The following RBM26 variants were observed in gnomAD, a reference collection of about 807,000 sequenced individuals.
RBM26 encodes the protein RNA-binding protein 26.
A neutral mutation model predicts 123.6 loss-of-function variants in RBM26; 30 were observed. The ratio of observed to expected loss-of-function variants is 0.24; its 90% CI spans 0.18 to 0.33. RBM26 has a LOEUF of 0.33. Among genes scored for constraint, RBM26 ranks in the 10% least tolerant of loss-of-function variants. The pLI is 1.00. For missense variants in RBM26, 947 were observed against 1,203.6 expected (o/e 0.79, Z 3.15); for synonymous variants, 400 against 404.4 (o/e 0.99, Z 0.13).
At chr13:79,391,566 GGC>G (rs896058743) in intron 1 of RBM26, among the ~76,000 whole-genome samples, 2 of 152,018 alleles carry the variant, frequency 1.3e-5, no homozygotes, top group African/African-American at 4.8e-5. Flanking sequence ...TGGGATTACA[GGC>G]GCCCACCACA....
At chr13:79,340,818 A>C in intron 18 of RBM26, among the ~76,000 whole-genome samples, 1 of 151,996 alleles carries the variant, frequency 6.6e-6, no homozygotes, top group East Asian at 1.9e-4. Flanking sequence ...AAAAGACTTT[A>C]TTATAAGTTT....
At chr13:79,365,490 A>G in intron 9 of RBM26, 88 bp downstream of exon 9, 1 of 1,054,832 alleles carries the variant, frequency 9.5e-7, no homozygotes, top group Non-Finnish European at 1.4e-6. Flanking sequence ...ATCCAACCCC[A>G]ATAAAGGCAA....
chr13:79,375,095 T>TAATATA (rs2076547684), intron 3 of RBM26, among the ~76,000 whole-genome samples: 1 of 98,262 alleles, frequency 1.0e-5, no homozygotes, highest in East Asian at 2.3e-4. Flanking sequence ...TAAATATATA[T>TAATATA]TTATATATAT....
chr13:79,344,430 A>T (rs927123156), intron 15 of RBM26, 108 bp from the exon 16 acceptor site: 1 of 916,924 alleles, frequency 1.1e-6, no homozygotes, highest in African/African-American at 1.7e-5. Flanking sequence ...CAAAAATTAT[A>T]TGCAAGGCTT....
chr13:79,335,680 T>C (rs1031203777), intron 19 of RBM26, among the ~76,000 whole-genome samples: 11 of 152,126 alleles, frequency 7.2e-5, no homozygotes, highest in African/African-American at 2.7e-4. Flanking sequence ...AATGTCCAAA[T>C]GCATGTCAGA....
At chr13:79,399,208 A>G (rs2078854622) in intron 1 of RBM26, among the ~76,000 whole-genome samples, 1 of 152,222 alleles carries the variant, frequency 6.6e-6, no homozygotes. Context: ...CTTCAACACA[A>G]AGAAAGGATA....
In RBM26 at chr13:79,368,949, C is replaced by G; in HGVS notation, c.676G>C (p.Asp226His). ...GGAGTATAATTATTTTCTAATGGAT[C>G]TGTTCTATCCAGGTCATATTTAGGT... The part of the protein sequence containing the change: ...VKPKYDLDRT[D>H]PLENNYTPVS... The change falls in exon 6 of 22, where the codon GAT (aspartate) becomes CAT (histidine). Residue 226 changes from aspartate to histidine, a missense_variant. Coordinates refer to ENST00000438737, the MANE Select transcript of RBM26 (RefSeq NM_001366735.2). The G allele has an allele frequency of 1.2e-6, 2 of 1,610,568 alleles. No homozygotes were observed. Among genetic ancestry groups the G allele is most frequent in the Non-Finnish European group, 1.7e-6 (2 of 1,177,132 alleles).
At position 79,366,129 on chromosome 13, in the gene RBM26, C is replaced by T; in HGVS notation, c.1202G>A (p.Ser401Asn). The T allele has an allele frequency of 6.2e-7, 1 of 1,614,010 alleles. No individual in the cohort carries two copies. Among genetic ancestry groups the T allele is most frequent in the Non-Finnish European group, 8.5e-7 (1 of 1,179,898 alleles). ...GMDAPPNSATSSVPTVVTTGI... is the reference protein window; with the variant it reads ...GMDAPPNSATNSVPTVVTTGI... ...AGTTGTTACTACAGTAGGAACAGAA[C>T]TGGTTGCAGAGTTTGGAGGAGCATC... The change falls in exon 8 of 22, where the codon AGT becomes AAT. Residue 401 changes from serine (S) to asparagine (N), a missense_variant. Physicochemically the swap from Ser to Asn is conservative, Grantham distance 46 (BLOSUM62 1). Around this residue, in one of 5 missense-constraint regions of RBM26, gnomAD observed 493 missense variants for 563.1 expected, o/e 0.88. Transcript: ENST00000438737.
intron 20 of RBM26, among the ~76,000 whole-genome samples, chr13:79,331,874 A>C (rs1221047238): frequency 2.0e-5 from 3 of 152,136 alleles, no homozygotes; most frequent in Non-Finnish European, 4.4e-5. Context: ...GGTGATAGAC[A>C]AAAAAATAGA....
chr13:79,368,666 A>C, intron 6 of RBM26, 64 bp downstream of exon 6: 1 of 1,492,578 alleles, frequency 6.7e-7, no homozygotes. Context: ...GTACAACATA[A>C]ACACAGAATT....
At chr13:79,332,523 G>T (rs1395196901) in intron 20 of RBM26, among the ~76,000 whole-genome samples, 2 of 152,046 alleles carry the variant, frequency 1.3e-5, no homozygotes, top group African/African-American at 4.8e-5. Flanking sequence ...CTGGCTTAAG[G>T]ATATGCTTAT....
chr13:79,358,629 G>A (rs1358489963), intron 10 of RBM26, among the ~76,000 whole-genome samples, 196 bp from the exon 11 acceptor site: 3 of 152,152 alleles, frequency 2.0e-5, no homozygotes, highest in African/African-American at 7.2e-5. Context: ...TATCTTTCAT[G>A]GAAGCCAACT....
intron 1 of RBM26, among the ~76,000 whole-genome samples, chr13:79,394,760 A>C (rs1443879495): frequency 2.0e-5 from 3 of 152,078 alleles, no homozygotes; most frequent in Non-Finnish European, 4.4e-5. Context: ...CAACCTCCTG[A>C]GTAGCTGGGA....
At position 79,383,681 on chromosome 13, in the gene RBM26, A is replaced by T. The variant is rs1434805310; in HGVS notation, c.72-4774T>A. On this transcript the variant is annotated intron_variant, in intron 1 of 21. Transcript: ENST00000438737. Reference sequence around the variant, plus strand: ...GGAATTTACATTGGGGGGTGGGGGGAACCAATATGCATATTACACAAACAT... The same window carrying T: ...GGAATTTACATTGGGGGGTGGGGGGTACCAATATGCATATTACACAAACAT... Among the ~76,000 whole-genome samples, 3 of 151,894 alleles carry T rather than the reference A, an allele frequency of 2.0e-5. No individual in the cohort carries two copies. In the East Asian group the frequency reaches 5.8e-4, roughly 29 times the overall value.
At chr13:79,392,088 TATA>T (rs10569561) in intron 1 of RBM26, among the ~76,000 whole-genome samples, 4,900 of 131,094 alleles carry the variant, frequency 0.037, 452 homozygotes, top group African/African-American at 0.093. Context: ...TACATAATTA[TATA>T]ATAATGTATT....
chr13:79,341,567 T>C (rs1195777088), intron 17 of RBM26, among the ~76,000 whole-genome samples: 2 of 151,826 alleles, frequency 1.3e-5, no homozygotes, highest in Non-Finnish European at 3.0e-5. Context: ...ATACAGAGTA[T>C]GTTTTTATGT....
At position 79,366,702 on chromosome 13, in the gene RBM26, G is replaced by C. The variant is rs1337501697; in HGVS notation, c.1066C>G (p.Pro356Ala). The change falls in exon 7 of 22, where the codon CCA becomes GCA. Residue 356 changes from proline to alanine, a missense_variant. Physicochemically the swap from Pro to Ala is conservative, Grantham distance 27 (BLOSUM62 -1). This residue lies in a region of RBM26 where 493 missense variants were observed against 563.1 expected (regional missense o/e 0.88). Transcript: ENST00000438737. ...LPPPPPILTP[P>A]PVNLRPPVPP... is the part of the protein sequence containing the mutation. ...ACTGGGGGCCTGAGATTCACAGGTG[G>C]GGGTGTAAGAATTGGTGGAGGTGGG... 1.9e-6 allele frequency: 3 copies of C among 1,609,840 alleles called. No homozygotes were observed. The African/African-American group carries it at 4.0e-5, about 22-fold the overall frequency.
rs181936432 is a variant in RBM26, at chr13:79,358,244, G to C, written c.1689+30C>G. The C allele has an allele frequency of 2.2e-5, 34 of 1,538,412 alleles. 1 individual carries two copies. The Admixed American group carries it at 6.9e-4, about 31-fold the overall frequency. On this transcript the variant is annotated intron_variant, in intron 11 of 21. Coordinates refer to ENST00000438737, the MANE Select transcript of RBM26 (RefSeq NM_001366735.2). ...CATTAAGTTCCCTAAACAGAAAGAAGAGATAACAAAACCATTTCATGGCTC... is the reference window on the plus strand; with the variant it reads ...CATTAAGTTCCCTAAACAGAAAGAACAGATAACAAAACCATTTCATGGCTC...
At chr13:79,337,050 T>C (rs1394912801) in intron 19 of RBM26, 52 bp downstream of exon 19, 6 of 1,496,818 alleles carry the variant, frequency 4.0e-6, no homozygotes, top group Non-Finnish European at 5.5e-6. Context: ...TTATGTCTAC[T>C]ATCCCCAATG....
Sources: allele counts gnomAD v4.1 joint callset (sites outside exome capture counted in the v4.1 genomes callset), GRCh38; gene constraint gnomAD v4.1.1; regional missense constraint gnomAD v4.1.1; transcripts MANE v1.5; gene names NCBI Gene and HGNC (gene_info 2026-07-23, HGNC 2026-07-21).